Variants in SLC2A2 observed in about 807,000 individuals in gnomAD.
SLC2A2 encodes the protein solute carrier family 2, facilitated glucose transporter member 2.
In SLC2A2, 36 loss-of-function variants were observed where a neutral mutation model predicts 54.5. The observed-to-expected ratio is 0.66, with a 90% CI of 0.51 to 0.87. The LOEUF is 0.87. Among genes scored for constraint, SLC2A2 ranks in the 40% least tolerant of loss-of-function variants. SLC2A2 has a pLI of 0.00. For synonymous variants in SLC2A2, 223 were observed against 219.1 expected (o/e 1.02, Z -0.16); for missense variants, 543 against 624.3 (o/e 0.87, Z 1.39).
intron 1 of SLC2A2, among the ~76,000 whole-genome samples, chr3:171,019,125 GTATGTATATATATATA>G (rs1716326997): frequency 4.0e-4 from 2 of 4,968 alleles, no homozygotes; most frequent in African/African-American, 1.6e-3. Context: ...ATATATATAC[GTATGTATATATATATA>G]TATATATATA....
At chr3:171,021,564 T>C (rs1338093971) in intron 1 of SLC2A2, among the ~76,000 whole-genome samples, 1 of 152,136 alleles carries the variant, frequency 6.6e-6, no homozygotes, top group East Asian at 1.9e-4. Flanking sequence ...GGCTGGAGGA[T>C]TAATTGAGGC....
intron 4 of SLC2A2, 102 bp downstream of exon 4, chr3:171,009,856 A>G (rs1450820262): frequency 2.7e-6 from 4 of 1,486,218 alleles, no homozygotes; most frequent in Admixed American, 4.0e-5. Flanking sequence ...CCTAGACTCA[A>G]AAATATCCCT....
At position 170,997,014 on chromosome 3, in the gene SLC2A2, G is replaced by A. The variant is rs1715109374; in HGVS notation, c.*889C>T. On this transcript the variant is annotated 3_prime_UTR_variant, in exon 11 of 11. Coordinates refer to ENST00000314251, the MANE Select transcript of SLC2A2 (RefSeq NM_000340.2). ...CATTAGATTTGATCAAACTTATTAGGAATTTGAGGTAATATACCAAATGTC... is the reference window on the plus strand; with the variant it reads ...CATTAGATTTGATCAAACTTATTAGAAATTTGAGGTAATATACCAAATGTC... The A allele has an allele frequency of 1.1e-5, 2 of 184,586 alleles. No homozygotes were observed. Among genetic ancestry groups the A allele is most frequent in the Non-Finnish European group, 2.2e-5 (2 of 89,924 alleles). The allele number at this position is 184,586 out of a possible 1,614,324, so 11.4% of individuals were successfully genotyped here.
Position 170,996,663 on chromosome 3 carries a change from A to AT in SLC2A2, c.*1239dup, listed in dbSNP as rs767880748. The AT allele has an allele frequency of 1.5e-5, 6 of 397,854 alleles. No homozygotes were observed. Among genetic ancestry groups the AT allele is most frequent in the Non-Finnish European group, 1.3e-5 (3 of 225,624 alleles). The allele number at this position is 397,854 out of a possible 1,614,324, so 24.6% of individuals were successfully genotyped here. A position where few individuals can be genotyped will look rare whatever the true frequency, so the allele number is the denominator to read the frequency against. ...TCATCTGTGTATTTCCAATTTGCCT[A>AT]TGTAGGTAAAGGCAGATAGATAGTG... On this transcript the variant is annotated 3_prime_UTR_variant, in exon 11 of 11. Transcript: ENST00000314251.
intron 1 of SLC2A2, among the ~76,000 whole-genome samples, chr3:171,026,368 C>CCTTTTT (rs1237630771): frequency 8.5e-6 from 1 of 117,526 alleles, no homozygotes; most frequent in Non-Finnish European, 1.8e-5. Context: ...AATCTGCCCC[C>CCTTTTT]TTTTTTTTTT....
chr3:171,020,075 C>T (rs1455831347), intron 1 of SLC2A2, among the ~76,000 whole-genome samples: 1 of 152,158 alleles, frequency 6.6e-6, no homozygotes, highest in Non-Finnish European at 1.5e-5. Context: ...TTCTCACTCT[C>T]TTAGTAGGTA....
In SLC2A2 at chr3:171,009,892, G is replaced by T. The variant is rs1715794242; in HGVS notation, c.496+66C>A. 2.6e-6 allele frequency: 4 copies of T among 1,530,572 alleles called. No individual in the cohort carries two copies. In the African/African-American group the frequency reaches 5.6e-5, roughly 21 times the overall value. 94.8% of individuals were successfully genotyped at this position (1,530,572 alleles called of 1,614,324 possible). A position where few individuals can be genotyped will look rare whatever the true frequency, so the allele number is the denominator to read the frequency against. On this transcript the variant is annotated intron_variant, in intron 4 of 10. Transcript: ENST00000314251. Reference sequence around the variant, plus strand: ...GAGTGCTACCACATCCGCCTTTAGAGTTACTTTCAGACAAAGGTAGGTGTG... The same window carrying T: ...GAGTGCTACCACATCCGCCTTTAGATTTACTTTCAGACAAAGGTAGGTGTG...
chr3:171,024,636 A>G (rs1230877225), intron 1 of SLC2A2, among the ~76,000 whole-genome samples: 1 of 152,236 alleles, frequency 6.6e-6, no homozygotes, highest in South Asian at 2.1e-4. Context: ...TTAAGTTGAA[A>G]GAGACCTTAG....
chr3:171,021,660 C>T (rs1349779827), intron 1 of SLC2A2, among the ~76,000 whole-genome samples: 1 of 152,124 alleles, frequency 6.6e-6, no homozygotes, highest in Non-Finnish European at 1.5e-5. Flanking sequence ...GTATAAGTAT[C>T]ACTGGACTAA....
intron 5 of SLC2A2, among the ~76,000 whole-genome samples, chr3:171,006,429 A>G (rs1715607577): frequency 6.6e-6 from 1 of 152,072 alleles, no homozygotes; most frequent in Non-Finnish European, 1.5e-5. Flanking sequence ...TACGTACTTG[A>G]TATCTAAAGC....
rs549263048 is a variant in SLC2A2, at chr3:171,014,599, A to G, written c.241T>C (p.Trp81Arg). ...GCTGCCACAGTCTCTTCCTCAGCCCAAGGGGTTGGTTTTGGGTTCATTGAG... is the reference window on the plus strand; with the variant it reads ...GCTGCCACAGTCTCTTCCTCAGCCCGAGGGGTTGGTTTTGGGTTCATTGAG... ...SYSMNPKPTP[W>R]AEEETVAAAQ... Residue 81 changes from tryptophan to arginine, a missense_variant, in exon 3 of 11, where the codon TGG (tryptophan) becomes CGG (arginine). Trp to Arg is a moderately radical substitution (Grantham distance 101). Coordinates refer to ENST00000314251, the MANE Select transcript of SLC2A2 (RefSeq NM_000340.2). 1 of 1,614,106 alleles carries G rather than the reference A, an allele frequency of 6.2e-7. No homozygotes were observed. Among genetic ancestry groups the G allele is most frequent in the South Asian group, 1.1e-5 (1 of 91,074 alleles).
At chr3:171,003,239 A>C (rs1715420838) in intron 7 of SLC2A2, among the ~76,000 whole-genome samples, 1 of 151,970 alleles carries the variant, frequency 6.6e-6, no homozygotes, top group Non-Finnish European at 1.5e-5. Context: ...TGTGAGAATC[A>C]TCCTTATTGT....
chr3:171,014,750 T>A lies in SLC2A2; in HGVS notation c.109-19A>T, dbSNP rs182772346. ...TTATTACCTAGGAGATAAAGAAAAA[T>A]AGCTTTACTATTTCAAACATTCTAT... On this transcript the variant is annotated intron_variant, in intron 2 of 10. Transcript: ENST00000314251. 3 of 1,601,054 alleles carry A rather than the reference T, an allele frequency of 1.9e-6. No individual in the cohort carries two copies. The highest frequency in any genetic ancestry group is 1.7e-5 in the Admixed American group (1 of 59,970).
chr3:171,008,530 A>G (rs961679939), intron 4 of SLC2A2, among the ~76,000 whole-genome samples: 3 of 152,102 alleles, frequency 2.0e-5, no homozygotes, highest in Non-Finnish European at 2.9e-5. Flanking sequence ...GCCAAACATA[A>G]TTTTAGAAGA....
At chr3:171,007,408 A>G (rs1715665696) in intron 4 of SLC2A2, 145 bp from the exon 5 acceptor site, 1 of 672,568 alleles carries the variant, frequency 1.5e-6, no homozygotes, top group East Asian at 2.7e-5. Context: ...AGGTATAGAC[A>G]TAGTTTGTGC....
At chr3:170,999,823 C>A (rs1444677716) in intron 8 of SLC2A2, among the ~76,000 whole-genome samples, 1 of 152,024 alleles carries the variant, frequency 6.6e-6, no homozygotes, top group African/African-American at 2.4e-5. Flanking sequence ...CACTTTAAAG[C>A]AAAGGGTTAA....
intron 3 of SLC2A2, among the ~76,000 whole-genome samples, chr3:171,011,707 T>G (rs1715889975): frequency 1.3e-5 from 2 of 152,138 alleles, no homozygotes; most frequent in Admixed American, 6.6e-5. Context: ...TAAGGGGTGT[T>G]TAGTAGTTTA....
rs770005963 is a variant in SLC2A2 at position 170,998,193 on chromosome 3, C to G, written c.1374G>C (p.Ala458=). ...ATCTGTGGAATATTAGGCTGCTTACCGCAATGTACTGGAAACACAGAGCTA... is the reference window on the plus strand; with the variant it reads ...ATCTGTGGAATATTAGGCTGCTTACGGCAATGTACTGGAAACACAGAGCTA... ...FIVALCFQYI[A]DFCGPYVFFL... Residue 458 remains alanine (A), a splice_region_variant and synonymous_variant, in exon 10 of 11, where the codon GCG becomes GCC. Transcript: ENST00000314251. 3.1e-6 allele frequency: 5 copies of G among 1,613,522 alleles called. No individual in the cohort carries two copies. The highest frequency in any genetic ancestry group is 4.2e-6 in the Non-Finnish European group (5 of 1,179,672).
rs766600474 is a variant in SLC2A2, at chr3:170,998,007, A to T, written c.1471T>A (p.Ser491Thr). The change falls in exon 11 of 11, where the codon TCT becomes ACT. Residue 491 changes from serine to threonine, a missense_variant. Coordinates refer to ENST00000314251, the MANE Select transcript of SLC2A2 (RefSeq NM_000340.2). Reference sequence around the variant, plus strand: ...AATTCTGCAGCAATTTCCTCAAAAGACTTTCCTTTGGTTTCTGGAACTTTA... The same window carrying T: ...AATTCTGCAGCAATTTCCTCAAAAGTCTTTCCTTTGGTTTCTGGAACTTTA... ...FFKVPETKGK[S>T]FEEIAAEFQK... is the part of the protein sequence containing the mutation. The T allele has an allele frequency of 4.3e-6, 7 of 1,613,612 alleles. No individual in the cohort carries two copies. In the South Asian group the frequency reaches 4.4e-5, roughly 10 times the overall value.
Sources: gnomAD v4.1 joint callset for allele counts (sites outside exome capture counted in the v4.1 genomes callset) on GRCh38, gnomAD v4.1.1 for gene constraint, MANE v1.5 for transcripts, NCBI Gene and HGNC (gene_info 2026-07-23, HGNC 2026-07-21) for gene names.